C20orf203: variants seen among roughly 807,000 people sequenced by gnomAD.
C20orf203 encodes uncharacterized protein C20orf203.
A neutral mutation model predicts 15.9 loss-of-function variants in C20orf203; 16 were observed. The ratio of observed to expected loss-of-function variants is 1.01; its 90% confidence interval spans 0.68 to 1.53. The LOEUF is 1.53. Ranked by LOEUF, C20orf203 falls within the 40% of genes most tolerant of loss-of-function variation. C20orf203 has a pLI of 0.00. For missense variants in C20orf203, 263 were observed against 247.5 expected, an observed-to-expected ratio of 1.06 and a Z score of -0.42; for synonymous variants, 98 against 97.2, an observed-to-expected ratio of 1.01 and a Z score of -0.05.
chr20:32,643,326 G>A (rs1397695823), intron 4 of C20orf203, among the ~76,000 whole-genome samples: 1 of 152,142 alleles, frequency 6.6e-6, no homozygotes, highest in Non-Finnish European at 1.5e-5. Flanking sequence ...ACTTTATAGG[G>A]TGGCTGTGAA....
At chr20:32,666,394 G>A (rs1366160168) in intron 1 of C20orf203, among the ~76,000 whole-genome samples, 2 of 151,718 alleles carry the variant, frequency 1.3e-5, no homozygotes, top group African/African-American at 2.4e-5. Flanking sequence ...TTGAGCTCAG[G>A]AGGTTGAGGC....
intron 1 of C20orf203, among the ~76,000 whole-genome samples, chr20:32,666,797 T>TTTTATACATATATATATATATAAA (rs367964394): frequency 1.5e-5 from 1 of 65,594 alleles, no homozygotes; most frequent in Non-Finnish European, 3.6e-5. Flanking sequence ...TAATTTTAAT[T>TTTTATACATATATATATATATAAA]TATATATATA....
chr20:32,648,121 C>T (rs1982487172), intron 4 of C20orf203, among the ~76,000 whole-genome samples: 1 of 152,228 alleles, frequency 6.6e-6, no homozygotes, highest in African/African-American at 2.4e-5. Context: ...GTGGGTATCA[C>T]ACCCGGGTCT....
chr20:32,634,574 G>A (rs1236301770), intron 5 of C20orf203, among the ~76,000 whole-genome samples: 1 of 152,138 alleles, frequency 6.6e-6, no homozygotes, highest in South Asian at 2.1e-4. Context: ...GCAGGACGGA[G>A]GATGTTTACT....
chr20:32,642,913 G>A (rs775655320), intron 4 of C20orf203, among the ~76,000 whole-genome samples: 3 of 152,102 alleles, frequency 2.0e-5, no homozygotes, highest in Non-Finnish European at 2.9e-5. Flanking sequence ...GAGACAACCA[G>A]AGTGAGAACG....
At chr20:32,665,735 G>A (rs1017199502) in intron 1 of C20orf203, among the ~76,000 whole-genome samples, 1 of 152,192 alleles carries the variant, frequency 6.6e-6, no homozygotes, top group Non-Finnish European at 1.5e-5. Flanking sequence ...GGAGGCCAAG[G>A]AGGGTGGATC....
intron 5 of C20orf203, among the ~76,000 whole-genome samples, chr20:32,634,712 C>A (rs1207576529): frequency 2.0e-5 from 3 of 152,034 alleles, no homozygotes; most frequent in Non-Finnish European, 4.4e-5. Context: ...ATTTCAGAGA[C>A]TACTTAAAGG....
intron 1 of C20orf203, chr20:32,656,862 T>TAAAAAAAAAAAAAAAAAAAAAAAAAA (rs1487048933): frequency 2.1e-5 from 1 of 47,290 alleles, no homozygotes; most frequent in Non-Finnish European, 5.1e-5. Context: ...CGACTCCATC[T>TAAAAAAAAAAAAAAAAAAAAAAAAAA]CAAAAAAAAA....
At chr20:32,661,512 GA>G (rs1366866690) in intron 1 of C20orf203, among the ~76,000 whole-genome samples, 1 of 152,168 alleles carries the variant, frequency 6.6e-6, no homozygotes, top group African/African-American at 2.4e-5. Context: ...CATGACCCCT[GA>G]ACCCTGAACA....
At chr20:32,664,938 T>G (rs775180960) in intron 1 of C20orf203, among the ~76,000 whole-genome samples, 35 of 152,246 alleles carry the variant, frequency 2.3e-4, no homozygotes, top group Non-Finnish European at 4.6e-4. Flanking sequence ...ACCGTGCTAG[T>G]GTGCAGCAGG....
intron 5 of C20orf203, among the ~76,000 whole-genome samples, chr20:32,635,005 G>A (rs1473295156): frequency 6.6e-6 from 1 of 151,656 alleles, no homozygotes; most frequent in Non-Finnish European, 1.5e-5. Flanking sequence ...TTTGAGACCA[G>A]CCTGGCCCAT....
At position 32,650,343 on chromosome 20, in the gene C20orf203, G is replaced by C. The variant is rs1269738646; in HGVS notation, c.*89C>G. On this transcript the variant is annotated 3_prime_UTR_variant, in exon 4 of 6. Transcript: ENST00000608990. The stretch of plus-strand genomic sequence containing the variant: ...CCACTCTGGGGAGCAGAATGATTGT[G>C]GGGGGTGGTAACAGGGGACACCCTG... 3 of 912,428 alleles carry C rather than the reference G, an allele frequency of 3.3e-6. No homozygotes were observed. The East Asian group carries it at 7.9e-5, about 24-fold the overall frequency. 56.5% of individuals were successfully genotyped at this position (912,428 alleles called of 1,614,324 possible). A position where few individuals can be genotyped will look rare whatever the true frequency, so the allele number is the denominator to read the frequency against.
At chr20:32,647,688 G>A (rs907357371) in intron 4 of C20orf203, among the ~76,000 whole-genome samples, 2 of 152,172 alleles carry the variant, frequency 1.3e-5, no homozygotes, top group Non-Finnish European at 2.9e-5. Context: ...CTGGGTGACA[G>A]AGCAAGACCC....
chr20:32,657,132 TG>T, intron 1 of C20orf203: 1 of 153,772 alleles, frequency 6.5e-6, no homozygotes. Flanking sequence ...GAGAATCACC[TG>T]AGGCCAGGAG....
chr20:32,673,113 G>T (rs923300245), intron 1 of C20orf203, among the ~76,000 whole-genome samples: 10 of 152,174 alleles, frequency 6.6e-5, no homozygotes, highest in Admixed American at 1.3e-4. Flanking sequence ...TCACACCCTG[G>T]GGCGGGTGAG....
In C20orf203 at chr20:32,632,099, C is replaced by T. The variant is rs1373061714; in HGVS notation, c.*3471G>A. ...CCAGTGACCTCTAGGACCCCCAGGG[C>T]TTAGGCAGGATGCCGCGTGGAACCC... On this transcript the variant is annotated 3_prime_UTR_variant, in exon 6 of 6. Transcript: ENST00000608990. The T allele has an allele frequency of 1.3e-5, 2 of 152,222 alleles. No individual in the cohort carries two copies. The highest frequency in any genetic ancestry group is 4.8e-5 in the African/African-American group (2 of 41,404). 9.4% of individuals were successfully genotyped at this position (152,222 alleles called of 1,614,324 possible). A position where few individuals can be genotyped will look rare whatever the true frequency, so the allele number is the denominator to read the frequency against.
rs1983109201 is a variant in C20orf203 at position 32,669,370 on chromosome 20, A to G, written c.-264+4262T>C. The stretch of plus-strand genomic sequence containing the variant: ...CCTATGGCCCGAATTTTCCTGGAAC[A>G]CTTCTGGCTGACCTGCTCCCTTCGT... On this transcript the variant is annotated intron_variant, in intron 1 of 5. Transcript: ENST00000608990. Among the ~76,000 whole-genome samples, 4 of 152,170 alleles carry G rather than the reference A, an allele frequency of 2.6e-5. No individual in the cohort carries two copies. The South Asian group carries it at 8.3e-4, about 32-fold the overall frequency.
intron 1 of C20orf203, among the ~76,000 whole-genome samples, chr20:32,665,594 G>A (rs927065706): frequency 1.6e-4 from 25 of 152,174 alleles, no homozygotes; most frequent in Non-Finnish European, 2.8e-4. Context: ...CTAGAACAGC[G>A]CTGCCCAGTG....
At position 32,645,471 on chromosome 20, in the gene C20orf203, G is replaced by A. The variant is rs546509310; in HGVS notation, c.*1177+3784C>T. 5.9e-5 allele frequency among the ~76,000 whole-genome samples: 9 copies of A among 152,296 alleles called. No homozygotes were observed. In the East Asian group the frequency reaches 1.2e-3, roughly 20 times the overall value. On this transcript the variant is annotated intron_variant, in intron 4 of 5. Transcript: ENST00000608990. ...CTTGATGACCCTGCCCCCCTGGGGG[G>A]ATATTCTCCCAAACTGGGACTTCCC...
Sources: allele counts gnomAD v4.1 joint callset (sites outside exome capture counted in the v4.1 genomes callset), GRCh38; gene constraint gnomAD v4.1.1; transcripts MANE v1.5; gene names NCBI Gene and HGNC (gene_info 2026-07-23, HGNC 2026-07-21).